Variants in DNMBP observed in about 807,000 individuals in gnomAD.
DNMBP encodes the protein dynamin-binding protein.
Under a neutral mutation model 150.0 loss-of-function variants are expected in DNMBP, and 87 were observed. The ratio of observed to expected loss-of-function variants is 0.58; its 90% CI spans 0.49 to 0.69. DNMBP has a LOEUF of 0.69. Ranked by LOEUF, DNMBP falls within the 30% of genes least tolerant of loss-of-function variation. The pLI, the probability that DNMBP is intolerant of heterozygous loss-of-function variation, is 0.00. For synonymous variants in DNMBP, 711 were observed against 750.4 expected (o/e 0.95, Z 0.86); for missense variants, 1,774 against 1,949.0 (o/e 0.91, Z 1.69).
At chr10:99,979,247 C>G (rs1352979377) in intron 1 of DNMBP, among the ~76,000 whole-genome samples, 1 of 152,064 alleles carries the variant, frequency 6.6e-6, no homozygotes, top group Non-Finnish European at 1.5e-5. Context: ...CGTTTAGAGT[C>G]TCCTCTATTG....
intron 8 of DNMBP, 39 bp from the exon 9 acceptor site, chr10:99,898,324 T>C (rs753454424): frequency 1.3e-6 from 2 of 1,537,810 alleles, no homozygotes; most frequent in East Asian, 4.5e-5. Context: ...AAGCTATCAA[T>C]AATATAGCGC....
chr10:99,885,622 G>T, intron 14 of DNMBP, 65 bp downstream of exon 14: 5 of 1,398,584 alleles, frequency 3.6e-6, no homozygotes, highest in Non-Finnish European at 4.8e-6. Context: ...GGGCCTGGGG[G>T]CCTGGCTGCA....
rs140839578 is a variant in DNMBP at position 99,967,668 on chromosome 10, G to GGTGTGTGTGTGT, written c.268+1435_268+1446dup. 6.9e-5 allele frequency among the ~76,000 whole-genome samples: 10 copies of GGTGTGTGTGTGT among 145,564 alleles called. No individual in the cohort carries two copies. In the East Asian group the frequency reaches 1.8e-3, roughly 26 times the overall value. ...TAGAGAAGTTTGATAGGTTTTTCTG[G>GGTGTGTGTGTGT]GTGTGTGTGTGTGTGTGTGTGTGTG... On this transcript the variant is annotated intron_variant, in intron 3 of 16. Transcript: ENST00000324109.
chr10:99,982,701 C>T (rs977233518), intron 1 of DNMBP, among the ~76,000 whole-genome samples: 13 of 152,000 alleles, frequency 8.6e-5, no homozygotes, highest in African/African-American at 2.9e-4. Flanking sequence ...GCCTGTAATC[C>T]CAGCACTTTG....
At chr10:99,943,836 C>T (rs183320276) in intron 4 of DNMBP, among the ~76,000 whole-genome samples, 28 of 152,308 alleles carry the variant, frequency 1.8e-4, no homozygotes, top group African/African-American at 6.0e-4. Context: ...AGTATAAAGA[C>T]GTTATTGTTC....
chr10:99,983,962 C>T (rs2040804344), intron 1 of DNMBP, among the ~76,000 whole-genome samples: 1 of 152,190 alleles, frequency 6.6e-6, no homozygotes, highest in African/African-American at 2.4e-5. Flanking sequence ...TTATCTAAAC[C>T]ACCCGAACAC....
chr10:99,939,037 G>C (rs1004825329), intron 4 of DNMBP, among the ~76,000 whole-genome samples: 3 of 151,998 alleles, frequency 2.0e-5, no homozygotes, highest in Admixed American at 6.5e-5. Context: ...CTAGAAGTGA[G>C]GATGGAGAAG....
chr10:99,890,568 G>T (rs1272158075), intron 11 of DNMBP, among the ~76,000 whole-genome samples: 1 of 152,182 alleles, frequency 6.6e-6, no homozygotes, highest in Non-Finnish European at 1.5e-5. Context: ...CCAACAGAGG[G>T]ATATCAGCAT....
At chr10:99,922,040 A>G (rs145254654) in intron 4 of DNMBP, among the ~76,000 whole-genome samples, 2 of 152,246 alleles carry the variant, frequency 1.3e-5, no homozygotes, top group East Asian at 3.9e-4. Context: ...CTGTGGAACC[A>G]GGTCTGCTGT....
intron 4 of DNMBP, among the ~76,000 whole-genome samples, chr10:99,935,950 C>T (rs372586167): frequency 0.017 from 2,554 of 152,100 alleles, 39 homozygotes; most frequent in African/African-American, 0.037. Context: ...ATAAAATGAC[C>T]CATAGGATTT....
Position 99,885,736 on chromosome 10 carries a change from T to C in DNMBP, c.3749A>G (p.Glu1250Gly), listed in dbSNP as rs1211752728. 1 of 1,593,790 alleles carries C rather than the reference T, an allele frequency of 6.3e-7. No individual in the cohort carries two copies. The highest frequency in any genetic ancestry group is 1.3e-5 in the African/African-American group (1 of 74,632). The change falls in exon 14 of 17, where the codon GAG becomes GGG. Residue 1250 changes from glutamate (E) to glycine (G), a missense_variant. Physicochemically the swap from Glu to Gly is moderately conservative, Grantham distance 98. This residue lies in a region of DNMBP where 1,430 missense variants were observed against 1,492.5 expected (regional missense o/e 0.96). Transcript: ENST00000324109. ...ESLPATKKPFERKTIDRQSAR... is the reference protein window; with the variant it reads ...ESLPATKKPFGRKTIDRQSAR... ...AGACTGGCGGTCAATGGTTTTCCTC[T>C]CAAATGGCTTCTTGGTAGCTGGAAG...
chr10:99,925,304 G>A (rs2133273937), intron 4 of DNMBP, among the ~76,000 whole-genome samples: 1 of 152,288 alleles, frequency 6.6e-6, no homozygotes, highest in Admixed American at 6.5e-5. Context: ...CCTTGACCCA[G>A]TTACCTTGGA....
Position 99,981,591 on chromosome 10 carries a change from G to A in DNMBP, c.-10-9457C>T, listed in dbSNP as rs7921445. On this transcript the variant is annotated intron_variant, in intron 1 of 16. Coordinates refer to ENST00000324109, the MANE Select transcript of DNMBP (RefSeq NM_015221.4). ...CCCTGATAGACACCGATATCAAACA[G>A]TTTAATAAGTAATTTCTAATGTGGC... 8.5e-3 allele frequency among the ~76,000 whole-genome samples: 1,287 copies of A among 152,280 alleles called. 18 individuals carry two copies. Among genetic ancestry groups the A allele is most frequent in the Middle Eastern group, 0.044 (13 of 294 alleles).
intron 1 of DNMBP, among the ~76,000 whole-genome samples, chr10:99,975,939 C>G (rs1178882320): frequency 6.6e-6 from 1 of 152,308 alleles, no homozygotes; most frequent in Non-Finnish European, 1.5e-5. Flanking sequence ...CCTGAGTCCT[C>G]GCAAGGACCC....
At chr10:99,885,142 C>A (rs1185556533) in intron 14 of DNMBP, among the ~76,000 whole-genome samples, 1 of 152,110 alleles carries the variant, frequency 6.6e-6, no homozygotes, top group Non-Finnish European at 1.5e-5. Flanking sequence ...ATAGGCCTGG[C>A]AGAATTAATA....
intron 3 of DNMBP, among the ~76,000 whole-genome samples, chr10:99,959,512 C>G (rs78020819): frequency 6.6e-6 from 1 of 151,668 alleles, no homozygotes; most frequent in Non-Finnish European, 1.5e-5. Flanking sequence ...ACAAAAAAAC[C>G]ACCCAAAAAA....
At chr10:99,987,047 C>A (rs1192540734) in intron 1 of DNMBP, among the ~76,000 whole-genome samples, 1 of 150,600 alleles carries the variant, frequency 6.6e-6, no homozygotes, top group Non-Finnish European at 1.5e-5. Context: ...CCCAGCTACT[C>A]GGGAGGCTGA....
In DNMBP at chr10:99,880,267, C is replaced by A; in HGVS notation, c.4092G>T (p.Glu1364Asp). 6.2e-7 allele frequency: 1 copy of A among 1,614,084 alleles called. No homozygotes were observed. Among genetic ancestry groups the A allele is most frequent in the Middle Eastern group, 1.7e-4 (1 of 6,046 alleles). ...DASVGSHSSTESEHGSSSPRF... is the reference protein window; with the variant it reads ...DASVGSHSSTDSEHGSSSPRF... ...TGGGGGAGGAGCTGCCGTGCTCAGACTCTGTGGAGGAGTGGCTACCCACGG... is the reference window on the plus strand; with the variant it reads ...TGGGGGAGGAGCTGCCGTGCTCAGAATCTGTGGAGGAGTGGCTACCCACGG... The change falls in exon 16 of 17, where the codon GAG (glutamate) becomes GAT (aspartate). Residue 1364 changes from glutamate to aspartate, a missense_variant. By Grantham distance (45) the Glu-to-Asp change is conservative (BLOSUM62 2). Transcript: ENST00000324109.
intron 3 of DNMBP, 99 bp downstream of exon 3, chr10:99,969,016 G>A (rs2040648391): frequency 4.8e-6 from 7 of 1,448,228 alleles, no homozygotes; most frequent in Non-Finnish European, 6.7e-6. Context: ...CTCTCTAGAG[G>A]TTAAGCCACT....
Sources: allele counts gnomAD v4.1 joint callset (sites outside exome capture counted in the v4.1 genomes callset), GRCh38; gene constraint gnomAD v4.1.1; regional missense constraint gnomAD v4.1.1; transcripts MANE v1.5; gene names NCBI Gene and HGNC (gene_info 2026-07-23, HGNC 2026-07-21).